Variants in PTPRM observed in about 807,000 individuals in gnomAD.
PTPRM encodes receptor-type tyrosine-protein phosphatase mu.
In PTPRM, 47 loss-of-function variants were observed where a neutral mutation model predicts 186.7. That is an observed-to-expected ratio of 0.25 (90% CI 0.20 to 0.32). The LOEUF (loss-of-function observed/expected upper bound fraction) is 0.32. PTPRM is among the 10% of genes least tolerant of loss of function. PTPRM has a pLI of 1.00. For missense variants in PTPRM, 1,494 were observed against 1,865.0 expected, an observed-to-expected ratio of 0.80 and a Z score of 3.66; for synonymous variants, 668 against 674.9, an observed-to-expected ratio of 0.99 and a Z score of 0.16.
chr18:8,128,035 G>A (rs748887274), intron 13 of PTPRM, among the ~76,000 whole-genome samples: 1 of 152,102 alleles, frequency 6.6e-6, no homozygotes, highest in African/African-American at 2.4e-5. Context: ...ACTCGAAAAC[G>A]TACTATCTCT....
At chr18:8,388,480 G>T (rs937140593) in intron 31 of PTPRM, among the ~76,000 whole-genome samples, 1 of 152,142 alleles carries the variant, frequency 6.6e-6, no homozygotes, top group Non-Finnish European at 1.5e-5. Context: ...GCCTCTCAAC[G>T]ATCAAAACAC....
At chr18:8,027,952 C>G (rs938047016) in intron 7 of PTPRM, among the ~76,000 whole-genome samples, 2 of 152,136 alleles carry the variant, frequency 1.3e-5, no homozygotes, top group African/African-American at 4.8e-5. Context: ...TATCTCCTAT[C>G]ACTGTCCCCT....
intron 9 of PTPRM, among the ~76,000 whole-genome samples, chr18:8,080,833 G>A (rs549549917): frequency 1.3e-5 from 2 of 151,904 alleles, no homozygotes; most frequent in African/African-American, 4.8e-5. Flanking sequence ...TTGTCTCTTC[G>A]CCAAGAGCCT....
chr18:7,991,943 A>T (rs553028304), intron 7 of PTPRM, among the ~76,000 whole-genome samples: 1 of 152,274 alleles, frequency 6.6e-6, no homozygotes. Flanking sequence ...TTTATCCAAT[A>T]TGATGTTTCT....
intron 5 of PTPRM, among the ~76,000 whole-genome samples, chr18:7,929,996 CAA>C (rs1396437607): frequency 2.6e-5 from 4 of 152,148 alleles, no homozygotes; most frequent in South Asian, 2.1e-4. Context: ...GAATCTCTCT[CAA>C]GAGTGAGTCA....
At chr18:8,111,033 C>T (rs558666409) in intron 11 of PTPRM, among the ~76,000 whole-genome samples, 1 of 152,332 alleles carries the variant, frequency 6.6e-6, no homozygotes, top group Non-Finnish European at 1.5e-5. Flanking sequence ...TGCTGTCAGA[C>T]CACCTCTGCC....
chr18:7,747,217 A>T (rs966922703), intron 1 of PTPRM, among the ~76,000 whole-genome samples: 2 of 152,210 alleles, frequency 1.3e-5, no homozygotes, highest in African/African-American at 2.4e-5. Context: ...CACCACTCCC[A>T]GACATACGCA....
chr18:7,839,560 T>G (rs1040948949), intron 2 of PTPRM, among the ~76,000 whole-genome samples: 14 of 152,344 alleles, frequency 9.2e-5, no homozygotes, highest in Non-Finnish European at 2.1e-4. Context: ...GCTAGTATTA[T>G]AGATGTAAGA....
At chr18:7,745,606 T>TC (rs1457731680) in intron 1 of PTPRM, among the ~76,000 whole-genome samples, 1 of 152,168 alleles carries the variant, frequency 6.6e-6, no homozygotes, top group East Asian at 1.9e-4. Context: ...ACTGATTAGA[T>TC]CAATGTGGGA....
chr18:7,870,820 A>G (rs528432540), intron 2 of PTPRM, among the ~76,000 whole-genome samples: 1 of 152,254 alleles, frequency 6.6e-6, no homozygotes, highest in South Asian at 2.1e-4. Flanking sequence ...ATTCTGCCTA[A>G]TAAAAAGGTT....
intron 14 of PTPRM, among the ~76,000 whole-genome samples, chr18:8,211,184 A>C (rs1432794612): frequency 1.3e-5 from 2 of 152,036 alleles, no homozygotes; most frequent in African/African-American, 4.8e-5. Context: ...TACCAACTGG[A>C]GGAATAACTG....
chr18:7,910,109 C>T lies in PTPRM; in HGVS notation c.547+3526C>T, dbSNP rs980209417. Among the ~76,000 whole-genome samples the T allele has an allele frequency of 4.5e-4, 69 of 152,178 alleles. 1 individual carries two copies. The highest frequency in any genetic ancestry group is 1.9e-4 in the East Asian group (1 of 5,178). On this transcript the variant is annotated intron_variant, in intron 4 of 32. Transcript: ENST00000580170. Reference sequence around the variant, plus strand: ...TAATGTATTTTTATGTCTTAAAAGCCGTATGTAATTTTAATAGATTTATTG... The same window carrying T: ...TAATGTATTTTTATGTCTTAAAAGCTGTATGTAATTTTAATAGATTTATTG...
At chr18:8,073,594 T>G (rs1284023371) in intron 8 of PTPRM, among the ~76,000 whole-genome samples, 2 of 152,224 alleles carry the variant, frequency 1.3e-5, no homozygotes, top group Non-Finnish European at 2.9e-5. Context: ...TATGTGCTAT[T>G]TAGGGTTTCA....
chr18:7,925,836 T>C (rs574015000), intron 4 of PTPRM, among the ~76,000 whole-genome samples: 3 of 152,232 alleles, frequency 2.0e-5, no homozygotes, highest in Non-Finnish European at 4.4e-5. Flanking sequence ...GTTTTCAGTG[T>C]GATGCAGAAA....
intron 23 of PTPRM, among the ~76,000 whole-genome samples, chr18:8,345,239 A>AG (rs370913209): frequency 0.25 from 38,614 of 151,934 alleles, 5,025 homozygotes; most frequent in East Asian, 0.35. Context: ...AACCAAAGAA[A>AG]AAAAAAAGGA....
At chr18:8,114,949 A>G (rs1167141120) in intron 13 of PTPRM, 122 bp downstream of exon 13, 6 of 653,020 alleles carry the variant, frequency 9.2e-6, no homozygotes, top group South Asian at 2.2e-5. Flanking sequence ...TTATATATAC[A>G]TATATATATA....
chr18:8,127,559 G>C (rs1443668774), intron 13 of PTPRM, among the ~76,000 whole-genome samples: 1 of 151,916 alleles, frequency 6.6e-6, no homozygotes, highest in East Asian at 1.9e-4. Flanking sequence ...TGCAGTCAGG[G>C]TGAATGTGGT....
chr18:7,584,472 C>T (rs577408145), intron 1 of PTPRM, among the ~76,000 whole-genome samples: 4 of 152,214 alleles, frequency 2.6e-5, no homozygotes, highest in African/African-American at 9.6e-5. Flanking sequence ...TTCATGGTAA[C>T]TCAAGGCCCA....
rs1467961339 is a variant in PTPRM, at chr18:7,580,204, G to A, written c.73+12313G>A. ...CTTAGTTCAGATTAGTTTGTCAGAT[G>A]GCACAGCAAAAGAGAATGAGACTTG... On this transcript the variant is annotated intron_variant, in intron 1 of 32. Transcript: ENST00000580170. 2.6e-5 allele frequency among the ~76,000 whole-genome samples: 4 copies of A among 152,160 alleles called. No homozygotes were observed. The East Asian group carries it at 7.7e-4, about 29-fold the overall frequency.
Sources: gnomAD v4.1 joint callset for allele counts (sites outside exome capture counted in the v4.1 genomes callset) on GRCh38, gnomAD v4.1.1 for gene constraint, MANE v1.5 for transcripts, NCBI Gene and HGNC (gene_info 2026-07-23, HGNC 2026-07-21) for gene names.